The following HS6ST1 variants were observed in gnomAD, a reference collection of about 807,000 sequenced individuals.
The protein encoded by HS6ST1 is heparan sulfate 6-O-sulfotransferase 1.
Under a neutral mutation model 25.2 loss-of-function variants are expected in HS6ST1, and 3 were observed. The ratio of observed to expected loss-of-function variants is 0.12; its 90% CI spans 0.05 to 0.31. The LOEUF is 0.31. HS6ST1 is among the 10% of genes least tolerant of loss of function. HS6ST1 has a pLI of 1.00. For missense variants in HS6ST1, 310 were observed against 609.6 expected (o/e 0.51, Z 5.18); for synonymous variants, 204 against 275.1 (o/e 0.74, Z 2.56).
In HS6ST1 at chr2:128,298,735, T is replaced by A. The variant is rs900633936; in HGVS notation, c.527+19302A>T. ...AAAAAGTTCTGGAGACGGATGATGG[T>A]GATGACTGTACAATGTGAATGTACT... On this transcript the variant is annotated intron_variant, in intron 1 of 1. Transcript: ENST00000259241. Among the ~76,000 whole-genome samples, 4 of 152,146 alleles carry A rather than the reference T, an allele frequency of 2.6e-5. No individual in the cohort carries two copies. In the South Asian group the frequency reaches 8.3e-4, roughly 32 times the overall value.
At chr2:128,299,560 C>G (rs964081058) in intron 1 of HS6ST1, among the ~76,000 whole-genome samples, 16 of 152,344 alleles carry the variant, frequency 1.1e-4, no homozygotes, top group African/African-American at 3.1e-4. Flanking sequence ...TGAGGCCCAG[C>G]CCCATGTGGT....
At chr2:128,298,917 C>T (rs546715139) in intron 1 of HS6ST1, among the ~76,000 whole-genome samples, 155 of 152,372 alleles carry the variant, frequency 1.0e-3, no homozygotes, top group Non-Finnish European at 1.4e-3. Flanking sequence ...CAGCACGTCC[C>T]TGGGCGCGGC....
At chr2:128,298,291 CA>C (rs1181043520) in intron 1 of HS6ST1, among the ~76,000 whole-genome samples, 1 of 152,128 alleles carries the variant, frequency 6.6e-6, no homozygotes, top group Admixed American at 6.5e-5. Context: ...ACAGAATTAC[CA>C]TATGATCTAG....
At chr2:128,309,809 G>A (rs529848182) in intron 1 of HS6ST1, among the ~76,000 whole-genome samples, 20 of 152,330 alleles carry the variant, frequency 1.3e-4, no homozygotes, top group South Asian at 2.1e-4. Context: ...CCCATGGCAC[G>A]CGGACAGCTG....
In HS6ST1 at chr2:128,275,456, C is replaced by T. The variant is rs553922363; in HGVS notation, c.528-6586G>A. Reference sequence around the variant, plus strand: ...CACCGGAAGTATACTGAGAAAGCCACAAATGGTTGTCTGGAGAGGTTGGAA... The same window carrying T: ...CACCGGAAGTATACTGAGAAAGCCATAAATGGTTGTCTGGAGAGGTTGGAA... On this transcript the variant is annotated intron_variant, in intron 1 of 1. Coordinates refer to ENST00000259241, the MANE Select transcript of HS6ST1 (RefSeq NM_004807.3). 1.6e-4 allele frequency among the ~76,000 whole-genome samples: 24 copies of T among 152,312 alleles called. 1 individual carries two copies. In the South Asian group the frequency reaches 5.0e-3, roughly 32 times the overall value.
chr2:128,314,204 C>T (rs1463412133), intron 1 of HS6ST1, among the ~76,000 whole-genome samples: 1 of 152,004 alleles, frequency 6.6e-6, no homozygotes. Context: ...TGTCGCATGC[C>T]ACAGAAACGA....
chr2:128,291,794 G>A (rs1434900062), intron 1 of HS6ST1, among the ~76,000 whole-genome samples: 1 of 152,258 alleles, frequency 6.6e-6, no homozygotes, highest in East Asian at 1.9e-4. Flanking sequence ...AACCCAGCAA[G>A]GATGTGGCTA....
chr2:128,293,090 C>T (rs1038806787), intron 1 of HS6ST1, among the ~76,000 whole-genome samples: 4 of 152,294 alleles, frequency 2.6e-5, no homozygotes, highest in South Asian at 2.1e-4. Flanking sequence ...TGCTCTGCTC[C>T]GCCACACCAG....
intron 1 of HS6ST1, among the ~76,000 whole-genome samples, chr2:128,317,766 C>T (rs1694395685): frequency 6.6e-6 from 1 of 152,204 alleles, no homozygotes; most frequent in African/African-American, 2.4e-5. Flanking sequence ...CTGGAGAAAA[C>T]CCGGGCGCTG....
intron 1 of HS6ST1, among the ~76,000 whole-genome samples, chr2:128,297,225 A>C (rs1448156672): frequency 1.3e-5 from 2 of 152,244 alleles, no homozygotes; most frequent in African/African-American, 2.4e-5. Context: ...AGAGCCCAGA[A>C]ATCAACCCTT....
chr2:128,305,894 C>T (rs1044285687), intron 1 of HS6ST1, among the ~76,000 whole-genome samples: 5 of 152,200 alleles, frequency 3.3e-5, no homozygotes, highest in African/African-American at 7.2e-5. Context: ...AGAGCAGCTG[C>T]GTTACCCTCC....
chr2:128,310,181 G>T (rs918049021), intron 1 of HS6ST1, among the ~76,000 whole-genome samples: 1 of 152,210 alleles, frequency 6.6e-6, no homozygotes, highest in Non-Finnish European at 1.5e-5. Flanking sequence ...TGAGCAGGCA[G>T]CTGAATCCCT....
At chr2:128,308,969 A>T (rs1415250419) in intron 1 of HS6ST1, among the ~76,000 whole-genome samples, 1 of 152,178 alleles carries the variant, frequency 6.6e-6, no homozygotes, top group Non-Finnish European at 1.5e-5. Context: ...TGTGGGTATA[A>T]TTCCAACTGT....
intron 1 of HS6ST1, among the ~76,000 whole-genome samples, chr2:128,281,455 G>A (rs530273197): frequency 5.3e-5 from 8 of 152,316 alleles, no homozygotes; most frequent in African/African-American, 1.7e-4. Context: ...GTGACTGTCC[G>A]GCCATCAGGA....
At chr2:128,305,507 C>T (rs777206243) in intron 1 of HS6ST1, among the ~76,000 whole-genome samples, 1 of 152,226 alleles carries the variant, frequency 6.6e-6, no homozygotes, top group Admixed American at 6.5e-5. Flanking sequence ...CCCCTCCAAC[C>T]GGGAGCCCTG....
intron 1 of HS6ST1, among the ~76,000 whole-genome samples, chr2:128,287,288 C>T (rs1265364724): frequency 1.3e-5 from 2 of 152,174 alleles, no homozygotes; most frequent in Admixed American, 1.3e-4. Context: ...GGGCCCAGGG[C>T]ACTCCCCCAG....
At chr2:128,314,398 G>A (rs1382549288) in intron 1 of HS6ST1, among the ~76,000 whole-genome samples, 1 of 152,220 alleles carries the variant, frequency 6.6e-6, no homozygotes, top group Non-Finnish European at 1.5e-5. Context: ...CATGAGGGCA[G>A]TGCCAAGGTG....
intron 1 of HS6ST1, among the ~76,000 whole-genome samples, chr2:128,307,593 A>C (rs755788371): frequency 7.2e-5 from 11 of 152,244 alleles, no homozygotes; most frequent in African/African-American, 1.4e-4. Flanking sequence ...AGCACAAACA[A>C]CCCTGTAGGG....
chr2:128,315,267 G>C (rs974939499), intron 1 of HS6ST1, among the ~76,000 whole-genome samples: 1 of 152,210 alleles, frequency 6.6e-6, no homozygotes, highest in African/African-American at 2.4e-5. Context: ...CATATTCCAG[G>C]AAGACATCAA....
Sources: allele counts gnomAD v4.1 joint callset (sites outside exome capture counted in the v4.1 genomes callset), GRCh38; gene constraint gnomAD v4.1.1; transcripts MANE v1.5; gene names NCBI Gene and HGNC (gene_info 2026-07-23, HGNC 2026-07-21).